Variants in SCMH1 observed in about 807,000 individuals in gnomAD.
SCMH1 encodes the protein polycomb protein SCMH1.
SCMH1 carries 37 observed loss-of-function variants against 70.8 expected under a neutral mutation model. The ratio of observed to expected loss-of-function variants is 0.52; its 90% CI spans 0.40 to 0.69. The LOEUF is 0.69. SCMH1 is among the 30% of genes least tolerant of loss of function. The pLI, the probability that SCMH1 is intolerant of heterozygous loss-of-function variation, is 0.00. For missense variants in SCMH1, 607 were observed against 827.3 expected (o/e 0.73, Z 3.27); for synonymous variants, 292 against 307.4 (o/e 0.95, Z 0.52).
At chr1:41,134,034 A>G (rs532191168) in intron 6 of SCMH1, among the ~76,000 whole-genome samples, 1 of 152,346 alleles carries the variant, frequency 6.6e-6, no homozygotes, top group South Asian at 2.1e-4. Flanking sequence ...AAAATCCTCA[A>G]TAAAACACTG....
chr1:41,131,397 C>G (rs186022333), intron 6 of SCMH1, among the ~76,000 whole-genome samples: 44 of 152,158 alleles, frequency 2.9e-4, no homozygotes, highest in Admixed American at 2.0e-3. Flanking sequence ...ATTTTAGAAC[C>G]AATTTGTCAA....
intron 1 of SCMH1, among the ~76,000 whole-genome samples, chr1:41,225,894 T>C (rs1214671606): frequency 6.6e-6 from 1 of 152,136 alleles, no homozygotes; most frequent in African/African-American, 2.4e-5. Context: ...CAAAGAACCA[T>C]CTTCAAACAA....
chr1:41,032,632 C>T (rs1475972207), intron 13 of SCMH1, among the ~76,000 whole-genome samples: 1 of 152,134 alleles, frequency 6.6e-6, no homozygotes, highest in Non-Finnish European at 1.5e-5. Context: ...AAGGATCACT[C>T]TCATTGTCTA....
chr1:41,156,601 G>A (rs1425013622), intron 4 of SCMH1, among the ~76,000 whole-genome samples: 2 of 151,990 alleles, frequency 1.3e-5, no homozygotes, highest in Non-Finnish European at 2.9e-5. Context: ...ACCATTCCTA[G>A]CTAATTTTTG....
At chr1:41,141,057 T>C (rs1483483210) in intron 6 of SCMH1, among the ~76,000 whole-genome samples, 6 of 152,084 alleles carry the variant, frequency 3.9e-5, no homozygotes, top group African/African-American at 1.2e-4. Flanking sequence ...AATAAAGAAA[T>C]AAAGCATGCA....
chr1:41,112,878 G>A (rs963854718), intron 8 of SCMH1, among the ~76,000 whole-genome samples: 1 of 152,138 alleles, frequency 6.6e-6, no homozygotes, highest in Non-Finnish European at 1.5e-5. Context: ...CTGCTACAGT[G>A]CTTCTCAACT....
At chr1:41,057,369 G>A (rs932522570) in intron 10 of SCMH1, among the ~76,000 whole-genome samples, 4 of 151,976 alleles carry the variant, frequency 2.6e-5, no homozygotes, top group Non-Finnish European at 4.4e-5. Context: ...GGGTTCAAGC[G>A]ATTCTCCTGC....
chr1:41,073,000 A>G (rs1657058991), intron 9 of SCMH1, among the ~76,000 whole-genome samples: 1 of 152,206 alleles, frequency 6.6e-6, no homozygotes, highest in African/African-American at 2.4e-5. Context: ...AAACACAGGA[A>G]AAGATGAGAA....
intron 1 of SCMH1, among the ~76,000 whole-genome samples, chr1:41,197,840 G>C (rs1653394280): frequency 6.6e-6 from 1 of 152,146 alleles, no homozygotes; most frequent in Non-Finnish European, 1.5e-5. Context: ...GGTAGTCCTA[G>C]ATGTAGTCCT....
chr1:41,151,038 T>C (rs991834196), intron 5 of SCMH1, among the ~76,000 whole-genome samples: 1 of 152,138 alleles, frequency 6.6e-6, no homozygotes, highest in Non-Finnish European at 1.5e-5. Context: ...GAAAGGATTG[T>C]AGGTAACTTC....
intron 5 of SCMH1, among the ~76,000 whole-genome samples, chr1:41,144,642 G>A (rs1644390240): frequency 3.9e-5 from 6 of 152,100 alleles, no homozygotes; most frequent in Admixed American, 3.9e-4. Flanking sequence ...TGGGTCATGT[G>A]GTAACTCTGT....
chr1:41,230,277 G>A (rs370284811), intron 1 of SCMH1, among the ~76,000 whole-genome samples: 3 of 152,132 alleles, frequency 2.0e-5, no homozygotes, highest in East Asian at 3.8e-4. Context: ...CTAGAATGAA[G>A]GAAGTGGTGA....
At chr1:41,111,829 C>T (rs1243643460) in intron 8 of SCMH1, among the ~76,000 whole-genome samples, 1 of 152,180 alleles carries the variant, frequency 6.6e-6, no homozygotes, top group Non-Finnish European at 1.5e-5. Context: ...ATCAACTTTT[C>T]AGACAAATTT....
chr1:41,051,563 T>C (rs967165773), intron 10 of SCMH1, among the ~76,000 whole-genome samples: 52 of 152,314 alleles, frequency 3.4e-4, no homozygotes, highest in African/African-American at 1.2e-3. Context: ...AACAGTGACA[T>C]TGATGATCCT....
chr1:41,070,251 A>G (rs890866348), intron 10 of SCMH1, among the ~76,000 whole-genome samples: 4 of 152,078 alleles, frequency 2.6e-5, no homozygotes, highest in African/African-American at 9.7e-5. Context: ...AATTTCATAC[A>G]TATTTTAAGG....
intron 8 of SCMH1, among the ~76,000 whole-genome samples, chr1:41,094,110 A>C (rs1316799861): frequency 6.6e-6 from 1 of 152,206 alleles, no homozygotes; most frequent in East Asian, 1.9e-4. Context: ...TGCACTAGTC[A>C]TACTTCTCAT....
intron 1 of SCMH1, among the ~76,000 whole-genome samples, chr1:41,192,203 T>C (rs569940689): frequency 2.0e-5 from 3 of 152,192 alleles, no homozygotes; most frequent in Non-Finnish European, 2.9e-5. Flanking sequence ...TACTCTTTTA[T>C]TGTCTGTTCA....
intron 6 of SCMH1, among the ~76,000 whole-genome samples, chr1:41,131,212 T>C (rs1674614881): frequency 6.6e-6 from 1 of 152,212 alleles, no homozygotes; most frequent in Non-Finnish European, 1.5e-5. Flanking sequence ...ATTGGTAGGT[T>C]CATTTCTGTA....
chr1:41,055,181 G>A (rs2148752287), intron 10 of SCMH1, among the ~76,000 whole-genome samples: 1 of 152,180 alleles, frequency 6.6e-6, no homozygotes, highest in South Asian at 2.1e-4. Flanking sequence ...AAAATCCTTT[G>A]GATGCCCAAC....
Sources: gnomAD v4.1 joint callset for allele counts (sites outside exome capture counted in the v4.1 genomes callset) on GRCh38, gnomAD v4.1.1 for gene constraint, MANE v1.5 for transcripts, NCBI Gene and HGNC (gene_info 2026-07-23, HGNC 2026-07-21) for gene names.